Variants in RHEB observed in about 807,000 individuals in gnomAD.
RHEB encodes GTP-binding protein Rheb.
In RHEB, 2 loss-of-function variants were observed where a neutral mutation model predicts 28.8. The ratio of observed to expected loss-of-function variants is 0.07; its 90% CI spans 0.03 to 0.22. The LOEUF (loss-of-function observed/expected upper bound fraction) is 0.22, where lower values mean the gene tolerates loss of function less well. Among genes scored for constraint, RHEB ranks in the 10% least tolerant of loss-of-function variants. RHEB has a pLI of 1.00. For missense variants in RHEB, 76 were observed against 219.9 expected, an observed-to-expected ratio of 0.35 and a Z score of 4.14; for synonymous variants, 69 against 77.3, an observed-to-expected ratio of 0.89 and a Z score of 0.56.
At chr7:151,499,110 T>C (rs1333218968) in intron 1 of RHEB, among the ~76,000 whole-genome samples, 2 of 152,244 alleles carry the variant, frequency 1.3e-5, no homozygotes, top group Admixed American at 6.5e-5. Context: ...CTTAGGCTTG[T>C]AATCCTAGCA....
At chr7:151,503,242 C>G (rs1802805452) in intron 1 of RHEB, 1 of 783,816 alleles carries the variant, frequency 1.3e-6, no homozygotes, top group South Asian at 1.3e-5. Context: ...AGAGACCGGA[C>G]AGGAACATGA....
chr7:151,483,775 C>T (rs1240364677), intron 3 of RHEB, among the ~76,000 whole-genome samples: 2 of 152,154 alleles, frequency 1.3e-5, no homozygotes, highest in African/African-American at 2.4e-5. Flanking sequence ...TCCTCACCCT[C>T]CAGTGAAGAA....
At chr7:151,514,931 C>T (rs967474790) in intron 1 of RHEB, among the ~76,000 whole-genome samples, 10 of 151,916 alleles carry the variant, frequency 6.6e-5, no homozygotes, top group Non-Finnish European at 1.2e-4. Flanking sequence ...CCTAGCTACT[C>T]GGGAAGCTGA....
intron 1 of RHEB, among the ~76,000 whole-genome samples, chr7:151,509,512 T>C (rs921248489): frequency 3.3e-5 from 5 of 152,176 alleles, no homozygotes; most frequent in African/African-American, 4.8e-5. Context: ...AGCTTCCACA[T>C]TGGTCTTGCC....
chr7:151,517,655 A>G (rs530012362), intron 1 of RHEB, among the ~76,000 whole-genome samples: 8 of 151,016 alleles, frequency 5.3e-5, no homozygotes, highest in African/African-American at 1.7e-4. Context: ...ATAAAACAGA[A>G]TGGATTTCAA....
At chr7:151,482,193 A>G (rs1802390517) in intron 3 of RHEB, among the ~76,000 whole-genome samples, 1 of 152,256 alleles carries the variant, frequency 6.6e-6, no homozygotes, top group African/African-American at 2.4e-5. Context: ...ATCCTGCAAC[A>G]ATGCCAGTTA....
At chr7:151,498,330 C>T (rs540873422) in intron 1 of RHEB, 1 of 400,076 alleles carries the variant, frequency 2.5e-6, no homozygotes, top group South Asian at 1.9e-5. Context: ...ATGAGTACCA[C>T]TGAATTGAAA....
intron 1 of RHEB, among the ~76,000 whole-genome samples, 192 bp from the exon 2 acceptor site, chr7:151,491,206 T>A (rs919873144): frequency 6.6e-6 from 1 of 152,236 alleles, no homozygotes; most frequent in Non-Finnish European, 1.5e-5. Context: ...TATATGAGGA[T>A]ATTATGCAAT....
intron 2 of RHEB, among the ~76,000 whole-genome samples, chr7:151,488,071 T>C (rs1802514124): frequency 6.6e-6 from 1 of 152,222 alleles, no homozygotes; most frequent in Non-Finnish European, 1.5e-5. Flanking sequence ...CTAACAGTGC[T>C]ACCTTGAGAT....
intron 1 of RHEB, among the ~76,000 whole-genome samples, chr7:151,512,541 A>G (rs1180872169): frequency 6.6e-6 from 1 of 152,230 alleles, no homozygotes; most frequent in African/African-American, 2.4e-5. Context: ...GCACACAGAT[A>G]TCATAACTCT....
intron 1 of RHEB, among the ~76,000 whole-genome samples, chr7:151,513,753 A>T (rs1374071848): frequency 6.6e-6 from 1 of 152,260 alleles, no homozygotes; most frequent in African/African-American, 2.4e-5. Flanking sequence ...AAACTATTCA[A>T]GTACTCCTTA....
chr7:151,487,883 C>T (rs921608057), intron 2 of RHEB, among the ~76,000 whole-genome samples: 4 of 152,178 alleles, frequency 2.6e-5, no homozygotes, highest in South Asian at 2.1e-4. Context: ...CTACTAACCA[C>T]GGTCATAGAG....
intron 3 of RHEB, among the ~76,000 whole-genome samples, chr7:151,481,844 A>G (rs1584852798): frequency 1.3e-5 from 2 of 152,318 alleles, no homozygotes; most frequent in South Asian, 2.1e-4. Flanking sequence ...GTCTTATCTC[A>G]TATCATATAC....
At chr7:151,476,007 C>G (rs2150922304) in intron 4 of RHEB, among the ~76,000 whole-genome samples, 1 of 152,208 alleles carries the variant, frequency 6.6e-6, no homozygotes, top group South Asian at 2.1e-4. Context: ...ATTACCCTCA[C>G]TTTCTATTTT....
rs184103929 is a variant in RHEB at position 151,479,457 on chromosome 7, C to T, written c.193-2042G>A. Among the ~76,000 whole-genome samples, 4 of 152,162 alleles carry T rather than the reference C, an allele frequency of 2.6e-5. No homozygotes were observed. In the East Asian group the frequency reaches 5.8e-4, roughly 22 times the overall value. Reference sequence around the variant, plus strand: ...CAGCACTTTGGGAGGCCAAGGTGGGCAGATCACAAGGTCAGGAGATTCATA... The same window carrying T: ...CAGCACTTTGGGAGGCCAAGGTGGGTAGATCACAAGGTCAGGAGATTCATA... On this transcript the variant is annotated intron_variant, in intron 3 of 7. Coordinates refer to ENST00000262187, the MANE Select transcript of RHEB (RefSeq NM_005614.4).
chr7:151,511,686 G>C (rs954906535), intron 1 of RHEB, among the ~76,000 whole-genome samples: 7 of 149,274 alleles, frequency 4.7e-5, no homozygotes, highest in Non-Finnish European at 8.9e-5. Context: ...TTGAGATGGA[G>C]TCTTGCTCTG....
chr7:151,486,567 T>G (rs1192944532), intron 2 of RHEB, among the ~76,000 whole-genome samples: 4 of 152,072 alleles, frequency 2.6e-5, no homozygotes, highest in African/African-American at 7.2e-5. Context: ...GAGAGAACGG[T>G]AGATAGCTAA....
At position 151,468,355 on chromosome 7, in the gene RHEB, G is replaced by A. The variant is rs887880220; in HGVS notation, c.463-1144C>T. ...CTCAGACTCAGCAGGCCACCATGGC[G>A]CCACTGTACTTCAACTCCCTTCCCT... On this transcript the variant is annotated intron_variant, in intron 7 of 7. Transcript: ENST00000262187. The surrounding 1 kb of genome is among the most constrained non-coding windows in gnomAD (Gnocchi z 4.3). 2.6e-5 allele frequency among the ~76,000 whole-genome samples: 4 copies of A among 152,102 alleles called. No homozygotes were observed. Among genetic ancestry groups the A allele is most frequent in the Admixed American group, 6.5e-5 (1 of 15,272 alleles).
At chr7:151,485,955 G>T (rs542089696) in intron 2 of RHEB, among the ~76,000 whole-genome samples, 1 of 152,288 alleles carries the variant, frequency 6.6e-6, no homozygotes, top group South Asian at 2.1e-4. Flanking sequence ...TCACTTTTAG[G>T]AAACAGTTAA....
Sources: allele counts gnomAD v4.1 joint callset (sites outside exome capture counted in the v4.1 genomes callset), GRCh38; gene constraint gnomAD v4.1.1; non-coding constraint Gnocchi (gnomAD v3.1); transcripts MANE v1.5; gene names NCBI Gene and HGNC (gene_info 2026-07-23, HGNC 2026-07-21).